The following FRMPD4 variants were observed in gnomAD, a reference collection of about 807,000 sequenced individuals.
The protein encoded by FRMPD4 is FERM and PDZ domain-containing protein 4.
FRMPD4 carries 22 observed loss-of-function variants against 94.1 expected under a neutral mutation model. The ratio of observed to expected loss-of-function variants is 0.23; its 90% CI spans 0.17 to 0.33. FRMPD4 has a LOEUF of 0.33. Ranked by LOEUF, FRMPD4 falls within the 10% of genes least tolerant of loss-of-function variation. The pLI, the probability that FRMPD4 is intolerant of heterozygous loss-of-function variation, is 1.00. For missense variants in FRMPD4, 1,111 were observed against 1,339.9 expected, an observed-to-expected ratio of 0.83 and a Z score of 2.67; for synonymous variants, 631 against 548.6, an observed-to-expected ratio of 1.15 and a Z score of -2.10.
intron 3 of FRMPD4, among the ~76,000 whole-genome samples, chrX:11,943,881 A>G (rs1569129741): frequency 9.0e-6 from 1 of 111,713 alleles, no homozygotes; most frequent in Non-Finnish European, 1.9e-5. Context: ...GAGGTACTTA[A>G]TGCTGCCAGT....
At chrX:12,179,886 T>TTA (rs1555930044) in intron 1 of FRMPD4, among the ~76,000 whole-genome samples, 15 of 108,615 alleles carry the variant, frequency 1.4e-4, no homozygotes, top group East Asian at 3.0e-4. Context: ...TTTTTTTTTT[T>TTA]AAAGTATATT....
chrX:12,403,965 G>A (rs2056638550), intron 1 of FRMPD4, among the ~76,000 whole-genome samples: 1 of 111,569 alleles, frequency 9.0e-6, no homozygotes, highest in Admixed American at 9.5e-5. Context: ...TGCTTGTGTG[G>A]CCAAGTGTAA....
chrX:12,608,118 T>C (rs1011376832), intron 2 of FRMPD4, among the ~76,000 whole-genome samples: 1 of 112,612 alleles, frequency 8.9e-6, no homozygotes, highest in Non-Finnish European at 1.9e-5. Flanking sequence ...AATCTTAGCT[T>C]ACATTACATT....
At chrX:12,610,449 A>G (rs188275772) in intron 3 of FRMPD4, among the ~76,000 whole-genome samples, 1 of 112,887 alleles carries the variant, frequency 8.9e-6, no homozygotes, top group Non-Finnish European at 1.9e-5. Context: ...TGCCATGGCT[A>G]TAAGAAGAGA....
chrX:12,485,712 C>G (rs1449140957), intron 1 of FRMPD4, among the ~76,000 whole-genome samples: 2 of 110,518 alleles, frequency 1.8e-5, no homozygotes, highest in African/African-American at 6.6e-5. Flanking sequence ...AGTTTGAGAC[C>G]AGCCTGGCCA....
intron 1 of FRMPD4, among the ~76,000 whole-genome samples, chrX:12,460,663 T>C (rs926587440): frequency 2.7e-5 from 3 of 112,096 alleles, no homozygotes; most frequent in African/African-American, 9.7e-5. Flanking sequence ...GTTATTTTCT[T>C]GTCAGTATAT....
chrX:12,054,175 G>A (rs2054840688), intron 3 of FRMPD4, among the ~76,000 whole-genome samples: 1 of 111,268 alleles, frequency 9.0e-6, no homozygotes, highest in Non-Finnish European at 1.9e-5. Context: ...GAGGGGAGGT[G>A]AGAGTGGCCT....
At chrX:12,537,619 T>G (rs1266445124) in intron 2 of FRMPD4, among the ~76,000 whole-genome samples, 1 of 107,007 alleles carries the variant, frequency 9.3e-6, no homozygotes, top group Non-Finnish European at 1.9e-5. Context: ...GCCTGGCTTA[T>G]TTTTGTATTT....
chrX:11,896,861 A>G (rs769765795), intron 3 of FRMPD4, among the ~76,000 whole-genome samples: 2 of 111,474 alleles, frequency 1.8e-5, no homozygotes, highest in East Asian at 5.6e-4. Context: ...CATCTGATTA[A>G]AATGCAGATG....
At chrX:12,691,459 T>G (rs1036426971) in intron 8 of FRMPD4, among the ~76,000 whole-genome samples, 12 of 111,086 alleles carry the variant, frequency 1.1e-4, no homozygotes, top group African/African-American at 3.6e-4. Context: ...CTATTGAGTC[T>G]AAATCTACCT....
chrX:12,562,925 C>T (rs1441090995), intron 2 of FRMPD4, among the ~76,000 whole-genome samples: 1 of 112,446 alleles, frequency 8.9e-6, no homozygotes, highest in Non-Finnish European at 1.9e-5. Context: ...GCTGGGATTA[C>T]AGGCATGAGC....
chrX:12,067,696 G>A (rs962670074), intron 3 of FRMPD4, among the ~76,000 whole-genome samples: 17 of 111,832 alleles, frequency 1.5e-4, no homozygotes, highest in East Asian at 1.4e-3. Flanking sequence ...GATTACAGGC[G>A]TGAGCCACTG....
chrX:12,693,101 T>G (rs1046030897), intron 8 of FRMPD4, among the ~76,000 whole-genome samples: 2 of 112,376 alleles, frequency 1.8e-5, no homozygotes, highest in African/African-American at 6.5e-5. Context: ...GTTAGCGAAC[T>G]GTAAATACAT....
At chrX:12,308,194 C>T (rs942312863) in intron 1 of FRMPD4, among the ~76,000 whole-genome samples, 1 of 111,766 alleles carries the variant, frequency 8.9e-6, no homozygotes, top group Non-Finnish European at 1.9e-5. Flanking sequence ...ATCTCATTAA[C>T]ATCCACCTTG....
intron 10 of FRMPD4, 99 bp downstream of exon 10, chrX:12,702,109 T>C: frequency 5.8e-6 from 5 of 861,015 alleles, no homozygotes; most frequent in Non-Finnish European, 8.4e-6. Flanking sequence ...CTTGTTTGTG[T>C]CAAAGCATTC....
intron 1 of FRMPD4, among the ~76,000 whole-genome samples, chrX:12,168,075 T>C (rs2056152629): frequency 9.0e-6 from 1 of 110,554 alleles, no homozygotes; most frequent in Non-Finnish European, 1.9e-5. Context: ...CACCTTACAA[T>C]GTGCGGGGCA....
At chrX:12,393,497 G>T (rs1254441678) in intron 1 of FRMPD4, among the ~76,000 whole-genome samples, 1 of 111,772 alleles carries the variant, frequency 8.9e-6, no homozygotes, top group African/African-American at 3.2e-5. Context: ...AATTAAGTTG[G>T]TATTGAACTG....
chrX:12,049,521 A>T (rs1006529637), intron 3 of FRMPD4, among the ~76,000 whole-genome samples: 1 of 111,237 alleles, frequency 9.0e-6, no homozygotes, highest in African/African-American at 3.3e-5. Flanking sequence ...ACACATACTG[A>T]TGTTGAAGTC....
At chrX:11,919,165 A>G (rs1601838668) in intron 3 of FRMPD4, among the ~76,000 whole-genome samples, 2 of 112,390 alleles carry the variant, frequency 1.8e-5, no homozygotes. Context: ...ATGGTAGGAT[A>G]CTTAGTGGCA....
Sources: allele counts gnomAD v4.1 joint callset (sites outside exome capture counted in the v4.1 genomes callset), GRCh38; gene constraint gnomAD v4.1.1; transcripts MANE v1.5; gene names NCBI Gene and HGNC (gene_info 2026-07-23, HGNC 2026-07-21).